CACNA1C: variants seen among roughly 807,000 people sequenced by gnomAD.
CACNA1C encodes the protein voltage-dependent L-type calcium channel subunit alpha-1C.
A neutral mutation model predicts 229.0 loss-of-function variants in CACNA1C; 30 were observed. The ratio of observed to expected loss-of-function variants is 0.13; its 90% confidence interval spans 0.10 to 0.18. The LOEUF is 0.18. CACNA1C is among the 10% of genes least tolerant of loss of function. The pLI, the probability that CACNA1C is intolerant of heterozygous loss-of-function variation, is 1.00. For missense variants in CACNA1C, 1,658 were observed against 2,845.0 expected, an observed-to-expected ratio of 0.58 and a Z score of 9.49; for synonymous variants, 1,114 against 1,132.5, an observed-to-expected ratio of 0.98 and a Z score of 0.33.
rs757992349 is a variant in CACNA1C, at chr12:2,651,576, G to A, written c.3946-64G>A. 6.2e-7 allele frequency: 1 copy of A among 1,613,154 alleles called. No individual in the cohort carries two copies. Among genetic ancestry groups the A allele is most frequent in the East Asian group, 2.2e-5 (1 of 44,872 alleles). On this transcript the variant is annotated intron_variant, in intron 31 of 46. Coordinates refer to ENST00000399655, the MANE Select transcript of CACNA1C (RefSeq NM_000719.7). The surrounding 1 kb of genome is among the most constrained non-coding windows in gnomAD (Gnocchi z 5.4). Reference sequence around the variant, plus strand: ...ACTGAGGTCTGTATTTCTCGGAGGGGCCCTCCTGTTCTCACCCCCCTCTTG... The same window carrying A: ...ACTGAGGTCTGTATTTCTCGGAGGGACCCTCCTGTTCTCACCCCCCTCTTG...
chr12:2,505,968 G>A (rs7977039), intron 8 of CACNA1C, among the ~76,000 whole-genome samples: 15,665 of 152,048 alleles, frequency 0.1, 911 homozygotes, highest in Middle Eastern at 0.17. Flanking sequence ...GACAAAGATT[G>A]CTCTCCACTT....
Position 2,634,288 on chromosome 12 carries a change from C to T in CACNA1C, c.3829-9C>T, listed in dbSNP as rs762649453. On this transcript the variant is annotated splice_polypyrimidine_tract_variant and intron_variant, in intron 29 of 46. Coordinates refer to ENST00000399655, the MANE Select transcript of CACNA1C (RefSeq NM_000719.7). Reference sequence around the variant, plus strand: ...TTCTCTCTCTCCCCGGCTGCTCTGCCCCATGCAGCACTATTTCTGTGATGC... The same window carrying T: ...TTCTCTCTCTCCCCGGCTGCTCTGCTCCATGCAGCACTATTTCTGTGATGC... The T allele has an allele frequency of 1.2e-5, 18 of 1,524,106 alleles. No individual in the cohort carries two copies. The South Asian group carries it at 1.8e-4, about 15-fold the overall frequency. 94.4% of individuals were successfully genotyped at this position (1,524,106 alleles called of 1,614,324 possible).
At chr12:2,159,509 ATAAAT>A (rs1381823073) in intron 3 of CACNA1C, among the ~76,000 whole-genome samples, 19 of 152,086 alleles carry the variant, frequency 1.2e-4, no homozygotes, top group Admixed American at 2.0e-4. Context: ...AAATAAATAA[ATAAAT>A]TAAATGTATG....
rs1025120411 is a variant in CACNA1C at position 2,496,319 on chromosome 12, A to G, written c.1113+2933A>G. On this transcript the variant is annotated intron_variant, in intron 7 of 46. Transcript: ENST00000399655. The stretch of plus-strand genomic sequence containing the variant: ...GGGGAAATAAGGCCTTTCACTCAGA[A>G]GAATGAATTGTCCTTCAGGCACAAG... Among the ~76,000 whole-genome samples, 26 of 152,338 alleles carry G rather than the reference A, an allele frequency of 1.7e-4. No individual in the cohort carries two copies. In the South Asian group the frequency reaches 5.4e-3, roughly 32 times the overall value.
intron 1 of CACNA1C, among the ~76,000 whole-genome samples, chr12:2,031,019 A>G (rs1374809528): frequency 6.8e-6 from 1 of 146,008 alleles, no homozygotes; most frequent in Non-Finnish European, 1.5e-5. Context: ...AAGGCAAGAC[A>G]GGTCTCTACA....
At chr12:2,150,114 C>T (rs113446307) in intron 3 of CACNA1C, among the ~76,000 whole-genome samples, 1 of 152,200 alleles carries the variant, frequency 6.6e-6, no homozygotes. Context: ...GAGGGGCTGG[C>T]TGGCAACCTT....
chr12:2,664,486 G>A lies in CACNA1C; in HGVS notation c.4233-339G>A, dbSNP rs75367065. Among the ~76,000 whole-genome samples, 269 of 152,190 alleles carry A rather than the reference G, an allele frequency of 1.8e-3. 1 individual carries two copies. Among genetic ancestry groups the A allele is most frequent in the Middle Eastern group, 6.8e-3 (2 of 294 alleles). The stretch of plus-strand genomic sequence containing the variant: ...TTAACAGGACAGTGGATTTTTTTAC[G>A]GTAAGTTCATAGAGCATACTCCTGT... On this transcript the variant is annotated intron_variant, in intron 34 of 46. Coordinates refer to ENST00000399655, the MANE Select transcript of CACNA1C (RefSeq NM_000719.7).
chr12:2,331,464 T>G (rs974935161), intron 3 of CACNA1C, among the ~76,000 whole-genome samples: 21 of 152,202 alleles, frequency 1.4e-4, no homozygotes, highest in African/African-American at 5.1e-4. Flanking sequence ...AAAGTCATGC[T>G]CTCAGAAGGA....
At chr12:2,568,767 A>G (rs992401706) in intron 13 of CACNA1C, among the ~76,000 whole-genome samples, 18 of 151,450 alleles carry the variant, frequency 1.2e-4, no homozygotes, top group African/African-American at 4.1e-4. Context: ...GGCTGGAGGG[A>G]GGGGGCAGTG....
intron 18 of CACNA1C, among the ~76,000 whole-genome samples, chr12:2,587,025 A>G (rs557644143): frequency 5.6e-4 from 85 of 152,330 alleles, no homozygotes; most frequent in African/African-American, 1.9e-3. Context: ...CAACAAATAC[A>G]CTTTAAAATG....
In CACNA1C at chr12:2,566,041, G is replaced by A. The variant is rs899028250; in HGVS notation, c.1509-381G>A. 6.6e-6 allele frequency among the ~76,000 whole-genome samples: 1 copy of A among 152,194 alleles called. No homozygotes were observed. Among genetic ancestry groups the A allele is most frequent in the African/African-American group, 2.4e-5 (1 of 41,444 alleles). On this transcript the variant is annotated intron_variant, in intron 11 of 46. Transcript: ENST00000399655. The surrounding 1 kb of genome is among the most constrained non-coding windows in gnomAD (Gnocchi z 4.0). ...TGTGGTACTGGGCCCCTCCTCCACT[G>A]TTACTAATAATGCTCTTATTGCTTA...
chr12:2,044,403 G>T (rs979955833), intron 1 of CACNA1C, among the ~76,000 whole-genome samples: 2 of 152,124 alleles, frequency 1.3e-5, no homozygotes, highest in Non-Finnish European at 2.9e-5. Context: ...GGTTGCCCTC[G>T]TGACTTTGCC....
intron 10 of CACNA1C, 50 bp from the exon 11 acceptor site, chr12:2,556,901 A>C (rs1394360535): frequency 1.3e-6 from 2 of 1,534,390 alleles, no homozygotes; most frequent in South Asian, 1.1e-5. Flanking sequence ...CCGTCTTTTA[A>C]ATGCACGTGT....
At chr12:2,185,812 G>T (rs2096980861) in intron 3 of CACNA1C, among the ~76,000 whole-genome samples, 1 of 152,162 alleles carries the variant, frequency 6.6e-6, no homozygotes, top group Non-Finnish European at 1.5e-5. Context: ...GGCAGAAGCG[G>T]CCTGGGAGTG....
At chr12:2,569,628 G>C (rs2053265349) in intron 13 of CACNA1C, among the ~76,000 whole-genome samples, 1 of 152,112 alleles carries the variant, frequency 6.6e-6, no homozygotes, top group Non-Finnish European at 1.5e-5. Context: ...TCAGTACTTT[G>C]TTTCCTTTTA....
At chr12:2,063,898 C>T (rs946535524) in intron 1 of CACNA1C, among the ~76,000 whole-genome samples, 2 of 152,122 alleles carry the variant, frequency 1.3e-5, no homozygotes, top group Non-Finnish European at 2.9e-5. Flanking sequence ...TTTGGGTTTA[C>T]CTAGGAGTGG....
chr12:2,566,121 TGA>T lies in CACNA1C; in HGVS notation c.1509-299_1509-298del, dbSNP rs1368306029. On this transcript the variant is annotated intron_variant, in intron 11 of 46. Transcript: ENST00000399655. The surrounding 1 kb of genome is among the most constrained non-coding windows in gnomAD (Gnocchi z 4.0). ...AAAAATTAAAAAAACTTCCATTTAT[TGA>T]GCATCTTCAACTTCAAAGCAGCCAG... Among the ~76,000 whole-genome samples, 1 of 152,234 alleles carries T rather than the reference TGA, an allele frequency of 6.6e-6. No homozygotes were observed. Among genetic ancestry groups the T allele is most frequent in the Non-Finnish European group, 1.5e-5 (1 of 68,044 alleles).
chr12:2,165,845 C>T (rs2096194016), intron 3 of CACNA1C, among the ~76,000 whole-genome samples: 1 of 152,182 alleles, frequency 6.6e-6, no homozygotes, highest in Non-Finnish European at 1.5e-5. Flanking sequence ...TTCCAGATCT[C>T]CCATGTCTTG....
chr12:2,687,456 TGTCATGGCAACAGCCAGACAG>T (rs1339472056), intron 45 of CACNA1C, among the ~76,000 whole-genome samples: 11 of 152,096 alleles, frequency 7.2e-5, no homozygotes, highest in Admixed American at 7.2e-4. Context: ...CCTGGCAGGT[TGTCATGGCAACAGCCAGACAG>T]GCCTGGTCCC....
Sources: gnomAD v4.1 joint callset for allele counts (sites outside exome capture counted in the v4.1 genomes callset) on GRCh38, gnomAD v4.1.1 for gene constraint, Gnocchi (gnomAD v3.1) non-coding constraint, MANE v1.5 for transcripts, NCBI Gene and HGNC (gene_info 2026-07-23, HGNC 2026-07-21) for gene names.